Variants in FRMD4B observed in about 807,000 individuals in gnomAD.
FRMD4B encodes the protein FERM domain-containing protein 4B.
A neutral mutation model predicts 141.5 loss-of-function variants in FRMD4B; 74 were observed. The observed-to-expected ratio is 0.52, with a 90% confidence interval of 0.43 to 0.63. FRMD4B has a LOEUF of 0.63. Ranked by LOEUF, FRMD4B falls within the 30% of genes least tolerant of loss-of-function variation. FRMD4B has a pLI of 0.00. For synonymous variants in FRMD4B, 506 were observed against 467.9 expected, an observed-to-expected ratio of 1.08 and a Z score of -1.05; for missense variants, 1,366 against 1,253.4, an observed-to-expected ratio of 1.09 and a Z score of -1.36.
intron 5 of FRMD4B, among the ~76,000 whole-genome samples, chr3:69,275,443 T>C (rs1426791114): frequency 1.7e-5 from 2 of 116,702 alleles, no homozygotes; most frequent in Non-Finnish European, 3.5e-5. Flanking sequence ...TCTCTCTCTC[T>C]TTTTTTTTTT....
At chr3:69,357,104 C>G (rs1161343153) in intron 1 of FRMD4B, among the ~76,000 whole-genome samples, 3 of 152,238 alleles carry the variant, frequency 2.0e-5, no homozygotes, top group South Asian at 2.1e-4. Context: ...TGGTGGGGCT[C>G]TAGGTGCAAA....
chr3:69,224,054 C>A (rs1220984926), intron 8 of FRMD4B, among the ~76,000 whole-genome samples: 1 of 151,540 alleles, frequency 6.6e-6, no homozygotes, highest in African/African-American at 2.4e-5. Context: ...AGACTGAAAC[C>A]AAGGAGAATA....
intron 1 of FRMD4B, among the ~76,000 whole-genome samples, chr3:69,503,435 A>T (rs1203557794): frequency 6.6e-6 from 1 of 150,986 alleles, no homozygotes; most frequent in African/African-American, 2.4e-5. Flanking sequence ...TATCACAAGG[A>T]CAAAAAACCA....
intron 7 of FRMD4B, among the ~76,000 whole-genome samples, chr3:69,230,796 T>C (rs1218287179): frequency 1.3e-5 from 2 of 151,058 alleles, no homozygotes; most frequent in African/African-American, 4.9e-5. Flanking sequence ...AAAGAACAAC[T>C]CAAATATCCC....
intron 1 of FRMD4B, among the ~76,000 whole-genome samples, chr3:69,341,678 A>C (rs188121557): frequency 6.6e-6 from 1 of 152,176 alleles, no homozygotes; most frequent in Admixed American, 6.5e-5. Context: ...CAATGTCTGT[A>C]GTATTAAGAG....
upstream of FRMD4B, chr3:69,386,142 GC>G: frequency 1.5e-6 from 1 of 687,452 alleles, no homozygotes; most frequent in Non-Finnish European, 2.3e-6. Flanking sequence ...GTGCGTCCTG[GC>G]CAGGCTCCGG....
intron 6 of FRMD4B, among the ~76,000 whole-genome samples, chr3:69,249,475 T>G (rs183897574): frequency 3.9e-5 from 6 of 152,350 alleles, no homozygotes; most frequent in African/African-American, 1.4e-4. Context: ...CATATGTATG[T>G]GAAAAAGCAC....
At chr3:69,535,909 G>C (rs1032627545) in intron 1 of FRMD4B, 3 of 411,262 alleles carry the variant, frequency 7.3e-6, no homozygotes, top group Non-Finnish European at 1.5e-5. Context: ...CTGACAGTGG[G>C]TTTTGAACTC....
rs540908002 is a variant in FRMD4B at position 69,188,857 on chromosome 3, C to T, written c.1772-940G>A. ...AGTCATACCACAGAGATCGCCAACT[C>T]AATCATGATTAAGTACAAGAGATGA... is the stretch of plus-strand genomic sequence containing the variant. On this transcript the variant is annotated intron_variant, in intron 18 of 22. Transcript: ENST00000398540. 9.9e-5 allele frequency among the ~76,000 whole-genome samples: 15 copies of T among 151,222 alleles called. No homozygotes were observed. The South Asian group carries it at 2.9e-3, about 30-fold the overall frequency.
At chr3:69,488,361 G>C (rs1403318131) in intron 1 of FRMD4B, among the ~76,000 whole-genome samples, 6 of 152,106 alleles carry the variant, frequency 3.9e-5, no homozygotes, top group African/African-American at 2.4e-5. Context: ...CTCTGTGAAG[G>C]CTTCACATCA....
intron 5 of FRMD4B, among the ~76,000 whole-genome samples, chr3:69,265,494 G>T (rs1382936397): frequency 1.5e-5 from 2 of 131,484 alleles, no homozygotes; most frequent in African/African-American, 5.8e-5. Context: ...TGTCACCCAG[G>T]CTGGAGTGCA....
At chr3:69,392,464 C>A (rs540706200) in intron 2 of FRMD4B, among the ~76,000 whole-genome samples, 1 of 152,084 alleles carries the variant, frequency 6.6e-6, no homozygotes, top group South Asian at 2.1e-4. Context: ...CAAGAAGGAT[C>A]CCATATTTGT....
intron 5 of FRMD4B, among the ~76,000 whole-genome samples, chr3:69,282,424 T>C (rs1005349903): frequency 2.6e-5 from 4 of 152,148 alleles, no homozygotes; most frequent in Non-Finnish European, 5.9e-5. Context: ...GTGACTCACT[T>C]TTGCCAATCA....
chr3:69,260,791 T>C (rs891759836), intron 5 of FRMD4B, among the ~76,000 whole-genome samples: 5 of 152,226 alleles, frequency 3.3e-5, no homozygotes, highest in Admixed American at 3.3e-4. Flanking sequence ...ACTCTGTGTC[T>C]AGGTAAAGGT....
At chr3:69,229,150 AAAGT>A in intron 7 of FRMD4B, among the ~76,000 whole-genome samples, 1 of 150,994 alleles carries the variant, frequency 6.6e-6, no homozygotes, top group East Asian at 2.0e-4. Context: ...CTCAGCCTCC[AAAGT>A]AGCTAGAATC....
chr3:69,474,409 G>A (rs1402084221), intron 1 of FRMD4B, among the ~76,000 whole-genome samples: 5 of 152,076 alleles, frequency 3.3e-5, no homozygotes, highest in Admixed American at 2.0e-4. Flanking sequence ...CCTGAGTATT[G>A]CTGCTCACTT....
intron 5 of FRMD4B, among the ~76,000 whole-genome samples, chr3:69,277,516 CTTTTTTTTTTTTTT>C (rs55745266): frequency 1.7e-5 from 1 of 60,438 alleles, no homozygotes; most frequent in Non-Finnish European, 2.9e-5. Context: ...TTTCTTTCTG[CTTTTTTTTTTTTTT>C]TTTTTTTTTT....
chr3:69,496,160 T>C (rs935741245), intron 1 of FRMD4B, among the ~76,000 whole-genome samples: 3 of 152,168 alleles, frequency 2.0e-5, no homozygotes, highest in Non-Finnish European at 4.4e-5. Flanking sequence ...AGTAGAAAAA[T>C]GGTTACAGAT....
intron 1 of FRMD4B, among the ~76,000 whole-genome samples, chr3:69,455,423 A>G (rs937737494): frequency 6.6e-6 from 1 of 152,258 alleles, no homozygotes; most frequent in Non-Finnish European, 1.5e-5. Flanking sequence ...GAGAACAGTG[A>G]GACCACGAAT....
Sources: gnomAD v4.1 joint callset for allele counts (sites outside exome capture counted in the v4.1 genomes callset) on GRCh38, gnomAD v4.1.1 for gene constraint, MANE v1.5 for transcripts, NCBI Gene and HGNC (gene_info 2026-07-23, HGNC 2026-07-21) for gene names.